The following KBTBD11 variants were observed in gnomAD, a reference collection of about 807,000 sequenced individuals.
KBTBD11 encodes the protein kelch repeat and BTB domain-containing protein 11.
For synonymous variants in KBTBD11, 747 were observed against 499.0 expected (o/e 1.50, Z -6.63); for missense variants, 1,390 against 1,001.8 (o/e 1.39, Z -5.23).
intron 1 of KBTBD11, among the ~76,000 whole-genome samples, chr8:1,991,260 C>T (rs957267325): frequency 4.6e-5 from 7 of 152,214 alleles, no homozygotes; most frequent in African/African-American, 1.4e-4. Context: ...GCACCGTGCT[C>T]TTTATACACA....
intron 1 of KBTBD11, chr8:1,974,525 C>A: frequency 1.0e-6 from 1 of 985,244 alleles, no homozygotes; most frequent in Non-Finnish European, 1.2e-6. Flanking sequence ...GGGAGCGCGG[C>A]CCTTGGTCCT....
Position 2,001,545 on chromosome 8 carries a change from C to A in KBTBD11, c.353C>A (p.Ala118Glu), listed in dbSNP as rs983216715. 2.6e-5 allele frequency: 38 copies of A among 1,434,668 alleles called. No individual in the cohort carries two copies. The highest frequency in any genetic ancestry group is 3.3e-5 in the Non-Finnish European group (36 of 1,099,690). The allele number at this position is 1,434,668 out of a possible 1,614,324, so 88.9% of individuals were successfully genotyped here. A position where few individuals can be genotyped will look rare whatever the true frequency, so the allele number is the denominator to read the frequency against. The change falls in exon 2 of 2, where the codon GCG (alanine) becomes GAG (glutamate). Residue 118 changes from alanine (A) to glutamate (E), a missense_variant. Ala to Glu is a moderately radical substitution (Grantham distance 107). Transcript: ENST00000320248. ...PEPRVWLEDP[A>E]SPEEPGEPAP... Reference sequence around the variant, plus strand: ...CCGCGCGTTTGGCTTGAGGACCCCGCGTCCCCCGAGGAGCCCGGGGAGCCC... The same window carrying A: ...CCGCGCGTTTGGCTTGAGGACCCCGAGTCCCCCGAGGAGCCCGGGGAGCCC...
chr8:1,987,339 T>A (rs529569316), intron 1 of KBTBD11, among the ~76,000 whole-genome samples: 1 of 152,346 alleles, frequency 6.6e-6, no homozygotes, highest in African/African-American at 2.4e-5. Context: ...GGTCATTTAT[T>A]TGAACAGTGT....
At chr8:1,988,886 A>T (rs35004545) in intron 1 of KBTBD11, among the ~76,000 whole-genome samples, 1 of 149,794 alleles carries the variant, frequency 6.7e-6, no homozygotes, top group African/African-American at 2.5e-5. Flanking sequence ...TAACATATCA[A>T]TGTAAATCTA....
intron 1 of KBTBD11, chr8:1,974,269 CT>C: frequency 1.0e-6 from 1 of 980,050 alleles, no homozygotes; most frequent in Non-Finnish European, 1.2e-6. Context: ...TCCACAGGCC[CT>C]CCCCCGGGAC....
chr8:1,981,871 G>T (rs1395446073), intron 1 of KBTBD11, among the ~76,000 whole-genome samples: 1 of 152,154 alleles, frequency 6.6e-6, no homozygotes, highest in Non-Finnish European at 1.5e-5. Flanking sequence ...TGAGGCCTCT[G>T]ACAATAAACT....
Position 2,001,032 on chromosome 8 carries a change from T to G in KBTBD11, c.-161T>G, listed in dbSNP as rs1042946139. On this transcript the variant is annotated 5_prime_UTR_variant, in exon 2 of 2. Transcript: ENST00000320248. ...GGGAGCAGCGTGTGAGATTCCCCCC[T>G]TCACACACACAACAACAAAGCGTGG... 2 of 995,598 alleles carry G rather than the reference T, an allele frequency of 2.0e-6. No individual in the cohort carries two copies. Among genetic ancestry groups the G allele is most frequent in the Non-Finnish European group, 2.6e-6 (2 of 779,636 alleles). 61.7% of individuals were successfully genotyped at this position (995,598 alleles called of 1,614,324 possible). A position where few individuals can be genotyped will look rare whatever the true frequency, so the allele number is the denominator to read the frequency against.
In KBTBD11 at chr8:2,006,221, T is replaced by G. The variant is rs1398646425; in HGVS notation, c.*3157T>G. 6.0e-6 allele frequency: 1 copy of G among 167,120 alleles called. No homozygotes were observed. Among genetic ancestry groups the G allele is most frequent in the African/African-American group, 2.4e-5 (1 of 41,472 alleles). The allele number at this position is 167,120 out of a possible 1,614,324, so 10.4% of individuals were successfully genotyped here. A position where few individuals can be genotyped will look rare whatever the true frequency, so the allele number is the denominator to read the frequency against. The stretch of plus-strand genomic sequence containing the variant: ...ACTTCAGTAATTCTGGTAGCAGCCG[T>G]TGAATCTGTCAGTCTCTTAGGTAAC... On this transcript the variant is annotated 3_prime_UTR_variant, in exon 2 of 2. Coordinates refer to ENST00000320248, the MANE Select transcript of KBTBD11 (RefSeq NM_014867.3).
chr8:1,994,645 G>C (rs1164332271), intron 1 of KBTBD11, among the ~76,000 whole-genome samples: 4 of 152,210 alleles, frequency 2.6e-5, no homozygotes, highest in African/African-American at 9.6e-5. Flanking sequence ...ATATGATGTA[G>C]CACACACCAG....
chr8:1,974,526 C>T (rs946157777), intron 1 of KBTBD11: 26 of 985,158 alleles, frequency 2.6e-5, no homozygotes, highest in Non-Finnish European at 3.0e-5. Flanking sequence ...GGAGCGCGGC[C>T]CTTGGTCCTC....
At position 1,983,548 on chromosome 8, in the gene KBTBD11, T is replaced by C. The variant is rs985148279; in HGVS notation, c.-909+9613T>C. On this transcript the variant is annotated intron_variant, in intron 1 of 1. Transcript: ENST00000320248. ...TGACCTCATGATGCATCTTTTCTGC[T>C]TTTGGTCTTCACTAGTTGTGCTTGG... Among the ~76,000 whole-genome samples, 9 of 152,318 alleles carry C rather than the reference T, an allele frequency of 5.9e-5. No homozygotes were observed. The East Asian group carries it at 1.5e-3, about 26-fold the overall frequency.
At chr8:1,989,384 A>C (rs1164311969) in intron 1 of KBTBD11, among the ~76,000 whole-genome samples, 1 of 152,184 alleles carries the variant, frequency 6.6e-6, no homozygotes, top group African/African-American at 2.4e-5. Flanking sequence ...CTGTGTTATA[A>C]CTAGAGCGAG....
chr8:2,001,486 G>A lies in KBTBD11; in HGVS notation c.294G>A (p.Ala98=). The change falls in exon 2 of 2, where the codon GCG becomes GCA. Residue 98 remains alanine, a synonymous_variant. Transcript: ENST00000320248. ...AGCTCGCGTCCCCTGAGGAGCGCGC[G>A]TGCCCGGAAGAGCCCGCGGCGCCGT... ...PEELASPEER[A]CPEEPAAPSP... The A allele has an allele frequency of 1.4e-6, 2 of 1,381,316 alleles. No individual in the cohort carries two copies. Among genetic ancestry groups the A allele is most frequent in the Non-Finnish European group, 1.9e-6 (2 of 1,074,678 alleles). 85.6% of individuals were successfully genotyped at this position (1,381,316 alleles called of 1,614,324 possible). A position where few individuals can be genotyped will look rare whatever the true frequency, so the allele number is the denominator to read the frequency against.
At chr8:1,978,966 C>A (rs924577437) in intron 1 of KBTBD11, among the ~76,000 whole-genome samples, 1 of 152,188 alleles carries the variant, frequency 6.6e-6, no homozygotes, top group Non-Finnish European at 1.5e-5. Context: ...CACCCCCAGC[C>A]CACAGTGCAC....
chr8:2,000,119 GTC>G, intron 1 of KBTBD11, among the ~76,000 whole-genome samples, 164 bp from the exon 2 acceptor site: 1 of 152,246 alleles, frequency 6.6e-6, no homozygotes. Context: ...AATTCTGCAT[GTC>G]CTATTCATCA....
Position 2,001,075 on chromosome 8 carries a change from C to G in KBTBD11, c.-118C>G, listed in dbSNP as rs1208873886. 4 of 1,233,422 alleles carry G rather than the reference C, an allele frequency of 3.2e-6. No homozygotes were observed. Among genetic ancestry groups the G allele is most frequent in the Non-Finnish European group, 4.1e-6 (4 of 978,818 alleles). 76.4% of individuals were successfully genotyped at this position (1,233,422 alleles called of 1,614,324 possible). A position where few individuals can be genotyped will look rare whatever the true frequency, so the allele number is the denominator to read the frequency against. On this transcript the variant is annotated 5_prime_UTR_variant, in exon 2 of 2. The change creates a new upstream start codon in the 5' untranslated region. Transcript: ENST00000320248. ...AAGCGTGGACACACAGAAGTGAAAT[C>G]TGATCGCGTGCCAGGAAAAGCTGTG...
chr8:1,989,268 G>C (rs1242019435), intron 1 of KBTBD11, among the ~76,000 whole-genome samples: 1 of 152,238 alleles, frequency 6.6e-6, no homozygotes, highest in South Asian at 2.1e-4. Flanking sequence ...CCTAGAGTAA[G>C]ATTTGTACTC....
rs1249165682 is a variant in KBTBD11 at position 2,003,527 on chromosome 8, A to G, written c.*463A>G. On this transcript the variant is annotated 3_prime_UTR_variant, in exon 2 of 2. Transcript: ENST00000320248. The stretch of plus-strand genomic sequence containing the variant: ...TTTTTGGCTTGAGATTTAAAATTAT[A>G]ACTGATAAGTAAAGCTCTTTCTGAT... 1 of 169,504 alleles carries G rather than the reference A, an allele frequency of 5.9e-6. No homozygotes were observed. The highest frequency in any genetic ancestry group is 2.4e-5 in the African/African-American group (1 of 41,572). 10.5% of individuals were successfully genotyped at this position (169,504 alleles called of 1,614,324 possible).
intron 1 of KBTBD11, among the ~76,000 whole-genome samples, chr8:1,978,809 G>T (rs1426048350): frequency 6.7e-6 from 1 of 149,300 alleles, no homozygotes; most frequent in Non-Finnish European, 1.5e-5. Context: ...CATAAAAAAG[G>T]CTACGGCGAT....
Sources: allele counts gnomAD v4.1 joint callset (sites outside exome capture counted in the v4.1 genomes callset), GRCh38; gene constraint gnomAD v4.1.1; transcripts MANE v1.5; gene names NCBI Gene and HGNC (gene_info 2026-07-23, HGNC 2026-07-21).